RBCK1: variants seen among roughly 807,000 people sequenced by gnomAD.
RBCK1 encodes the protein RANBP2-type and C3HC4-type zinc finger containing 1.
A neutral mutation model predicts 71.1 loss-of-function variants in RBCK1; 44 were observed. That is an observed-to-expected ratio of 0.62 (90% confidence interval 0.49 to 0.80). The LOEUF is 0.80. RBCK1 is among the 30% of genes least tolerant of loss of function. The pLI, the probability that RBCK1 is intolerant of heterozygous loss-of-function variation, is 0.00. For synonymous variants in RBCK1, 306 were observed against 279.7 expected (o/e 1.09, Z -0.94); for missense variants, 569 against 685.0 (o/e 0.83, Z 1.89).
rs1419094137 is a variant in RBCK1, at chr20:428,028, T to C, written c.1210-463T>C. ...CCCTACCTGATCCTTCCCCCAGGCC[T>C]GTCCCCGCCGCTTCATCTCAAAAGT... On this transcript the variant is annotated intron_variant, in intron 9 of 11. Coordinates refer to ENST00000356286, the MANE Select transcript of RBCK1 (RefSeq NM_031229.4). This position sits in a 1 kb window ranked among gnomAD's most constrained non-coding sequence, Gnocchi z 5.7. 1.3e-5 allele frequency among the ~76,000 whole-genome samples: 2 copies of C among 152,172 alleles called. No individual in the cohort carries two copies. The highest frequency in any genetic ancestry group is 4.8e-5 in the African/African-American group (2 of 41,448).
chr20:408,595 G>A lies in RBCK1; in HGVS notation c.-163G>A. On this transcript the variant is annotated 5_prime_UTR_variant, in exon 1 of 12. Coordinates refer to ENST00000356286, the MANE Select transcript of RBCK1 (RefSeq NM_031229.4). The stretch of plus-strand genomic sequence containing the variant: ...GTCACCGGGCAGTGTGATGCTTCCC[G>A]ACTGCCGCGGGGACAGCGAGGCACA... 3 of 861,340 alleles carry A rather than the reference G, an allele frequency of 3.5e-6. No individual in the cohort carries two copies. The highest frequency in any genetic ancestry group is 5.6e-6 in the Non-Finnish European group (3 of 534,906). The allele number at this position is 861,340 out of a possible 1,614,324, so 53.4% of individuals were successfully genotyped here.
intron 1 of RBCK1, 118 bp downstream of exon 1, chr20:408,897 A>C: frequency 8.3e-7 from 1 of 1,199,920 alleles, no homozygotes. Flanking sequence ...CCCTCCCTCT[A>C]CCCTCCTCCC....
chr20:420,200 C>G, intron 6 of RBCK1: 1 of 985,210 alleles, frequency 1.0e-6, no homozygotes, highest in South Asian at 4.7e-5. Context: ...GCTGGGCCCA[C>G]CCCTGACTTC....
chr20:419,608 T>C lies in RBCK1; in HGVS notation c.633T>C (p.Pro211=), dbSNP rs925156856. The change falls in exon 6 of 12, where the codon CCT becomes CCC. Residue 211 remains proline, a synonymous_variant. Transcript: ENST00000356286. Reference sequence around the variant, plus strand: ...CCTTCATCAACAAGCCCACGCGGCCTGGCTGTGAGATGTGCTGCCGGGCGC... The same window carrying C: ...CCTTCATCAACAAGCCCACGCGGCCCGGCTGTGAGATGTGCTGCCGGGCGC... ...GCTFINKPTR[P]GCEMCCRARP... 1.9e-6 allele frequency: 3 copies of C among 1,599,152 alleles called. No individual in the cohort carries two copies. Among genetic ancestry groups the C allele is most frequent in the Non-Finnish European group, 2.6e-6 (3 of 1,173,704 alleles).
intron 8 of RBCK1, among the ~76,000 whole-genome samples, chr20:424,403 A>G (rs550248595): frequency 8.9e-6 from 1 of 112,116 alleles, no homozygotes; most frequent in South Asian, 2.9e-4. Context: ...GATCCCCACA[A>G]AACACATACA....
At chr20:418,586 T>C (rs555869241) in intron 4 of RBCK1, among the ~76,000 whole-genome samples, 2 of 152,148 alleles carry the variant, frequency 1.3e-5, no homozygotes, top group Admixed American at 6.5e-5. Flanking sequence ...GCCAGGATGG[T>C]CTCGATCTCC....
At chr20:418,002 G>C (rs2016101456) in intron 4 of RBCK1, 72 bp downstream of exon 4, 1 of 1,457,632 alleles carries the variant, frequency 6.9e-7, no homozygotes, top group South Asian at 1.3e-5. Flanking sequence ...AGGGCAAGCA[G>C]GGGCAGAGCC....
rs770513754 is a variant in RBCK1, at chr20:428,657, T to A, written c.1308+68T>A. On this transcript the variant is annotated intron_variant, in intron 10 of 11. Coordinates refer to ENST00000356286, the MANE Select transcript of RBCK1 (RefSeq NM_031229.4). This position sits in a 1 kb window ranked among gnomAD's most constrained non-coding sequence, Gnocchi z 5.7. ...GGGATCCAGGTGGGGGCTGGGGGCT[T>A]CCCAGTAAGGGCTGTGCTCACACAT... 4.7e-6 allele frequency: 7 copies of A among 1,480,982 alleles called. No individual in the cohort carries two copies. Among genetic ancestry groups the A allele is most frequent in the Non-Finnish European group, 5.4e-6 (6 of 1,101,090 alleles). The allele number at this position is 1,480,982 out of a possible 1,614,324, so 91.7% of individuals were successfully genotyped here.
At chr20:423,300 A>G (rs2016542531) in intron 8 of RBCK1, among the ~76,000 whole-genome samples, 1 of 152,192 alleles carries the variant, frequency 6.6e-6, no homozygotes, top group South Asian at 2.1e-4. Context: ...ACTCCGTCTG[A>G]AAATATATAT....
chr20:409,204 G>C (rs933124764), intron 1 of RBCK1, among the ~76,000 whole-genome samples: 1 of 152,148 alleles, frequency 6.6e-6, no homozygotes, highest in African/African-American at 2.4e-5. Context: ...AGAGGCCCTG[G>C]GTGGCCCACA....
chr20:420,779 GCCCTGACCACGCC>G, intron 6 of RBCK1, 79 bp from the exon 7 acceptor site: 1 of 1,053,174 alleles, frequency 9.5e-7, no homozygotes, highest in South Asian at 1.5e-5. Context: ...GTCTGACCCA[GCCCTGACCACGCC>G]CCCTGGCCCT....
chr20:428,754 T>A lies in RBCK1; in HGVS notation c.1308+165T>A, dbSNP rs2016865349. On this transcript the variant is annotated intron_variant, in intron 10 of 11. Coordinates refer to ENST00000356286, the MANE Select transcript of RBCK1 (RefSeq NM_031229.4). This position sits in a 1 kb window ranked among gnomAD's most constrained non-coding sequence, Gnocchi z 5.7. ...GTGGGACTTAGGCCGAATGGTCATG[T>A]CAGGAAGAGCGTCTGGGTGGAGGGT... is the stretch of plus-strand genomic sequence containing the variant. The A allele has an allele frequency of 9.9e-6, 14 of 1,408,066 alleles. No individual in the cohort carries two copies. Among genetic ancestry groups the A allele is most frequent in the Non-Finnish European group, 1.2e-5 (13 of 1,066,964 alleles). The allele number at this position is 1,408,066 out of a possible 1,614,324, so 87.2% of individuals were successfully genotyped here. A position where few individuals can be genotyped will look rare whatever the true frequency, so the allele number is the denominator to read the frequency against.
Position 428,637 on chromosome 20 carries a change from C to A in RBCK1, c.1308+48C>A. 1.3e-6 allele frequency: 2 copies of A among 1,542,414 alleles called. No homozygotes were observed. The highest frequency in any genetic ancestry group is 1.2e-5 in the South Asian group (1 of 82,186). On this transcript the variant is annotated intron_variant, in intron 10 of 11. Coordinates refer to ENST00000356286, the MANE Select transcript of RBCK1 (RefSeq NM_031229.4). The surrounding 1 kb of genome is among the most constrained non-coding windows in gnomAD (Gnocchi z 5.7). ...GCCTAGGGATTTTAAGTTCTGGGAT[C>A]CAGGTGGGGGCTGGGGGCTTCCCAG... is the stretch of plus-strand genomic sequence containing the variant.
rs1265698911 is a variant in RBCK1 at position 408,722 on chromosome 20, C to T, written c.-36C>T. On this transcript the variant is annotated 5_prime_UTR_variant, in exon 1 of 12. It adds an upstream start codon to the 5' untranslated region. Coordinates refer to ENST00000356286, the MANE Select transcript of RBCK1 (RefSeq NM_031229.4). ...CGGAGGTAGCATTTCCCAGGAGGCA[C>T]GGTCCCCCCCAGGGGGATGGGCACA... The T allele has an allele frequency of 6.2e-6, 10 of 1,611,204 alleles. No homozygotes were observed. Among genetic ancestry groups the T allele is most frequent in the Middle Eastern group, 1.6e-4 (1 of 6,072 alleles).
intron 8 of RBCK1, among the ~76,000 whole-genome samples, chr20:425,354 C>T (rs2016654122): frequency 6.6e-6 from 1 of 152,146 alleles, no homozygotes. Flanking sequence ...ATACTTTGCA[C>T]ACAATAAAAT....
intron 6 of RBCK1, 69 bp downstream of exon 6, chr20:419,800 C>G: frequency 6.7e-7 from 1 of 1,486,616 alleles, no homozygotes; most frequent in South Asian, 1.3e-5. Flanking sequence ...GGAAGGGAGA[C>G]ACCTGCGCAC....
chr20:408,660 T>G lies in RBCK1; in HGVS notation c.-98T>G. The G allele has an allele frequency of 6.6e-6, 10 of 1,520,090 alleles. No individual in the cohort carries two copies. Among genetic ancestry groups the G allele is most frequent in the Non-Finnish European group, 9.0e-6 (10 of 1,115,296 alleles). 94.2% of individuals were successfully genotyped at this position (1,520,090 alleles called of 1,614,324 possible). ...CGCGCCGGAGGCCACACGGCCTGGCTGAGTTGCTCCTGGTCTCCCGCCTCT... is the reference window on the plus strand; with the variant it reads ...CGCGCCGGAGGCCACACGGCCTGGCGGAGTTGCTCCTGGTCTCCCGCCTCT... On this transcript the variant is annotated 5_prime_UTR_variant, in exon 1 of 12. Transcript: ENST00000356286.
intron 4 of RBCK1, among the ~76,000 whole-genome samples, chr20:418,142 C>T (rs181416680): frequency 1.1e-4 from 17 of 152,186 alleles, no homozygotes; most frequent in Non-Finnish European, 1.8e-4. Context: ...GGGTGGACTC[C>T]GTCCAGGCTC....
Position 408,529 on chromosome 20 carries a change from G to A in RBCK1, c.-229G>A. ...GCGCCCAGTGCGGACCTGTCTCGGC[G>A]CCCGCTGCCCTCTCACCGCCCCACG... On this transcript the variant is annotated 5_prime_UTR_variant, in exon 1 of 12. Transcript: ENST00000356286. The A allele has an allele frequency of 1.7e-6, 1 of 605,246 alleles. No homozygotes were observed. The highest frequency in any genetic ancestry group is 3.0e-5 in the East Asian group (1 of 33,680). 37.5% of individuals were successfully genotyped at this position (605,246 alleles called of 1,614,324 possible). A position where few individuals can be genotyped will look rare whatever the true frequency, so the allele number is the denominator to read the frequency against.
Sources: gnomAD v4.1 joint callset for allele counts (sites outside exome capture counted in the v4.1 genomes callset) on GRCh38, gnomAD v4.1.1 for gene constraint, Gnocchi (gnomAD v3.1) non-coding constraint, MANE v1.5 for transcripts, NCBI Gene and HGNC (gene_info 2026-07-23, HGNC 2026-07-21) for gene names.